The following MYH11 variants were observed in gnomAD, a reference collection of about 807,000 sequenced individuals.
MYH11 encodes the protein myosin heavy chain 11, also known as myosin-11.
In MYH11, 80 loss-of-function variants were observed where a neutral mutation model predicts 246.6. The observed-to-expected ratio is 0.32, with a 90% CI of 0.27 to 0.39. The LOEUF (loss-of-function observed/expected upper bound fraction) is 0.39. Ranked by LOEUF, MYH11 falls within the 10% of genes least tolerant of loss-of-function variation. The pLI, the probability that MYH11 is intolerant of heterozygous loss-of-function variation, is 1.00. For missense variants in MYH11, 2,158 were observed against 2,546.8 expected (o/e 0.85, Z 3.29); for synonymous variants, 1,071 against 1,015.5 (o/e 1.05, Z -1.04).
chr16:15,720,270 G>A lies in MYH11; in HGVS notation c.4834C>T (p.Arg1612Cys), dbSNP rs748356212. ...ETELEDERKQ[R>C]ALAAAAKKKL... is the part of the protein sequence containing the mutation. ...TTCTTTGCTGCAGCTGCCAGGGCACGTTGCTTTCGCTCGTCTTCCAGTTCC... is the reference window on the plus strand; with the variant it reads ...TTCTTTGCTGCAGCTGCCAGGGCACATTGCTTTCGCTCGTCTTCCAGTTCC... Residue 1612 changes from arginine to cysteine, a missense_variant, in exon 34 of 41, where the codon CGT becomes TGT. Around this residue, in one of 11 missense-constraint regions of MYH11, gnomAD observed 1,013 missense variants for 993.5 expected, o/e 1.02. Coordinates refer to ENST00000300036, the MANE Select transcript of MYH11 (RefSeq NM_002474.3). 6.2e-6 allele frequency: 10 copies of A among 1,614,094 alleles called. No individual in the cohort carries two copies. In the Admixed American group the frequency reaches 6.7e-5, roughly 11 times the overall value.
chr16:15,738,320 TC>T (rs2041180666), intron 24 of MYH11, among the ~76,000 whole-genome samples: 1 of 151,772 alleles, frequency 6.6e-6, no homozygotes. Context: ...AGACTGAGCA[TC>T]ATAGTGAAAC....
chr16:15,826,041 G>C (rs1275973329), intron 2 of MYH11, among the ~76,000 whole-genome samples: 1 of 152,122 alleles, frequency 6.6e-6, no homozygotes, highest in Non-Finnish European at 1.5e-5. Flanking sequence ...GAAGATCCTG[G>C]CAGCACCAAG....
intron 1 of MYH11, among the ~76,000 whole-genome samples, chr16:15,846,045 G>C (rs1474097277): frequency 6.6e-6 from 1 of 152,110 alleles, no homozygotes; most frequent in African/African-American, 2.4e-5. Flanking sequence ...GTTGCCGTAA[G>C]CCGACATCAT....
chr16:15,813,186 A>T (rs934373918), intron 3 of MYH11, among the ~76,000 whole-genome samples: 21 of 150,238 alleles, frequency 1.4e-4, no homozygotes, highest in African/African-American at 4.7e-4. Flanking sequence ...CAAACAAAAA[A>T]CAGTTGTTTT....
chr16:15,759,764 A>G (rs1010068800), intron 11 of MYH11, 36 bp from the exon 12 acceptor site: 1 of 1,612,334 alleles, frequency 6.2e-7, no homozygotes, highest in Non-Finnish European at 8.5e-7. Context: ...GGTTATTCTC[A>G]ATGGGCTCCA....
intron 5 of MYH11, among the ~76,000 whole-genome samples, chr16:15,784,002 G>C (rs1193731816): frequency 6.6e-6 from 1 of 152,068 alleles, no homozygotes; most frequent in Non-Finnish European, 1.5e-5. Flanking sequence ...CCACACATCA[G>C]CCCCCCAAGC....
rs189461553 is a variant in MYH11, at chr16:15,841,335, G to C, written c.-17-3066C>G. ...GTATTTTTAGTAGAGACGGGGCTTCGCCAAGTTGGCCAGGCTGGTCTCAAA... is the reference window on the plus strand; with the variant it reads ...GTATTTTTAGTAGAGACGGGGCTTCCCCAAGTTGGCCAGGCTGGTCTCAAA... On this transcript the variant is annotated intron_variant, in intron 1 of 40. Transcript: ENST00000300036. Among the ~76,000 whole-genome samples, 400 of 152,172 alleles carry C rather than the reference G, an allele frequency of 2.6e-3. 2 individuals carry two copies. The highest frequency in any genetic ancestry group is 4.8e-3 in the Admixed American group (74 of 15,280).
rs374838680 is a variant in MYH11 at position 15,767,527 on chromosome 16, G to T, written c.1034-3636C>A. Among the ~76,000 whole-genome samples, 6 of 151,780 alleles carry T rather than the reference G, an allele frequency of 4.0e-5. No individual in the cohort carries two copies. The East Asian group carries it at 1.2e-3, about 29-fold the overall frequency. On this transcript the variant is annotated intron_variant, in intron 9 of 40. Transcript: ENST00000300036. The stretch of plus-strand genomic sequence containing the variant: ...GTGGATACCGGGGTCTCACTATATT[G>T]CCCAGGCAGGTCTCGAACTCCTGGG...
At chr16:15,786,607 T>A in intron 5 of MYH11, 23 bp downstream of exon 5, 2 of 1,607,682 alleles carry the variant, frequency 1.2e-6, no homozygotes, top group Non-Finnish European at 1.7e-6. Context: ...AATCATGGCC[T>A]CTGATTGGGA....
At chr16:15,732,475 C>G in intron 27 of MYH11, 89 bp downstream of exon 27, 2 of 1,576,806 alleles carry the variant, frequency 1.3e-6, no homozygotes, top group Middle Eastern at 1.7e-4. Flanking sequence ...TGTTTTTTGT[C>G]TTTATGCAGA....
rs185939373 is a variant in MYH11 at position 15,740,852 on chromosome 16, A to G, written c.2859+611T>C. Among the ~76,000 whole-genome samples, 508 of 152,348 alleles carry G rather than the reference A, an allele frequency of 3.3e-3. 2 individuals are homozygous for G. The highest frequency in any genetic ancestry group is 0.012 in the African/African-American group (492 of 41,590). On this transcript the variant is annotated intron_variant, in intron 22 of 40. Coordinates refer to ENST00000300036, the MANE Select transcript of MYH11 (RefSeq NM_002474.3). ...GGAATGTAACTTCAGAGATTAGGCT[A>G]TAAAAGGCATTGCGGCTTCCTTTCT...
chr16:15,727,160 A>C, intron 27 of MYH11, 106 bp from the exon 28 acceptor site: 2 of 953,088 alleles, frequency 2.1e-6, no homozygotes, highest in Non-Finnish European at 3.4e-6. Context: ...GGCACACAAC[A>C]GGGGGCACAC....
chr16:15,838,888 G>A (rs1030893202), intron 1 of MYH11, among the ~76,000 whole-genome samples: 4 of 149,240 alleles, frequency 2.7e-5, no homozygotes, highest in East Asian at 4.0e-4. Context: ...AGAAGAAGCC[G>A]GAAGTAAGTG....
rs376356902 is a variant in MYH11, at chr16:15,715,305, C to T, written c.5505-33G>A. On this transcript the variant is annotated intron_variant, in intron 38 of 40. Transcript: ENST00000300036. ...CAGCAAGGAAAACAGGTGGTTTCAGCGGAGGGTGGCACCCCTTGTAGCTGG... is the reference window on the plus strand; with the variant it reads ...CAGCAAGGAAAACAGGTGGTTTCAGTGGAGGGTGGCACCCCTTGTAGCTGG... The T allele has an allele frequency of 5.0e-5, 81 of 1,608,534 alleles. No individual in the cohort carries two copies. The South Asian group carries it at 6.2e-4, about 12-fold the overall frequency.
Position 15,837,724 on chromosome 16 carries a change from G to A in MYH11, c.345+184C>T, listed in dbSNP as rs542710896. 7.2e-5 allele frequency among the ~76,000 whole-genome samples: 11 copies of A among 151,962 alleles called. No individual in the cohort carries two copies. In the South Asian group the frequency reaches 1.7e-3, roughly 23 times the overall value. The stretch of plus-strand genomic sequence containing the variant: ...TACTTTTTGTATTTTTAGTAGAGAC[G>A]GCATTTCATCATGTTGGCCAGCGTG... On this transcript the variant is annotated intron_variant, in intron 2 of 40. Transcript: ENST00000300036.
chr16:15,741,990 C>G, intron 20 of MYH11, 99 bp from the exon 21 acceptor site: 1 of 1,492,910 alleles, frequency 6.7e-7, no homozygotes, highest in Non-Finnish European at 9.1e-7. Flanking sequence ...ACAATGTTGC[C>G]CCCACCGATC....
intron 9 of MYH11, among the ~76,000 whole-genome samples, chr16:15,764,280 A>T (rs1195605494): frequency 6.6e-6 from 1 of 152,212 alleles, no homozygotes; most frequent in Non-Finnish European, 1.5e-5. Context: ...GACCCTTTAC[A>T]GAAAAATGTG....
intron 3 of MYH11, among the ~76,000 whole-genome samples, chr16:15,801,560 C>G (rs532190292): frequency 1.1e-4 from 16 of 152,120 alleles, no homozygotes; most frequent in African/African-American, 3.6e-4. Flanking sequence ...ACTTGGGAGG[C>G]TGAGACAGTA....
At chr16:15,811,339 G>A (rs1016704633) in intron 3 of MYH11, among the ~76,000 whole-genome samples, 6 of 152,278 alleles carry the variant, frequency 3.9e-5, no homozygotes, top group Admixed American at 3.3e-4. Flanking sequence ...TTCCTCTTCC[G>A]TTATATGGGG....
Sources: gnomAD v4.1 joint callset for allele counts (sites outside exome capture counted in the v4.1 genomes callset) on GRCh38, gnomAD v4.1.1 for gene constraint, gnomAD v4.1.1 regional missense constraint, MANE v1.5 for transcripts, NCBI Gene and HGNC (gene_info 2026-07-23, HGNC 2026-07-21) for gene names.